Variants in CUEDC1 observed in about 807,000 individuals in gnomAD.
The protein encoded by CUEDC1 is CUE domain-containing protein 1.
A neutral mutation model predicts 43.7 loss-of-function variants in CUEDC1; 30 were observed. That is an observed-to-expected ratio of 0.69 (90% CI 0.51 to 0.93). The LOEUF is 0.93. Ranked by LOEUF, CUEDC1 falls within the 40% of genes least tolerant of loss-of-function variation. The pLI, the probability that CUEDC1 is intolerant of heterozygous loss-of-function variation, is 0.00. For missense variants in CUEDC1, 486 were observed against 549.0 expected, an observed-to-expected ratio of 0.89 and a Z score of 1.15; for synonymous variants, 223 against 223.6, an observed-to-expected ratio of 1.00 and a Z score of 0.02.
At chr17:57,870,477 T>C (rs1197754593) in intron 6 of CUEDC1, among the ~76,000 whole-genome samples, 1 of 152,252 alleles carries the variant, frequency 6.6e-6, no homozygotes, top group Non-Finnish European at 1.5e-5. Context: ...ATGTCATGAA[T>C]GAATGAGTAA....
intron 1 of CUEDC1, among the ~76,000 whole-genome samples, chr17:57,952,799 T>TG (rs2075020208): frequency 6.6e-6 from 1 of 152,144 alleles, no homozygotes; most frequent in Non-Finnish European, 1.5e-5. Context: ...CAGCTCTCTG[T>TG]GGGGGACTTG....
intron 1 of CUEDC1, among the ~76,000 whole-genome samples, chr17:57,943,368 T>A (rs1305949374): frequency 2.0e-5 from 3 of 152,210 alleles, no homozygotes; most frequent in African/African-American, 7.2e-5. Flanking sequence ...GCTCATAGGA[T>A]GATTCATTCT....
chr17:57,883,792 C>T (rs765681539), intron 2 of CUEDC1, among the ~76,000 whole-genome samples: 11 of 152,076 alleles, frequency 7.2e-5, no homozygotes, highest in South Asian at 2.1e-4. Context: ...ATGCCTGGCA[C>T]GGGTCGGGAC....
intron 1 of CUEDC1, among the ~76,000 whole-genome samples, chr17:57,899,363 C>A (rs2074447125): frequency 6.6e-6 from 1 of 152,224 alleles, no homozygotes; most frequent in Non-Finnish European, 1.5e-5. Context: ...CCCAGCTGCC[C>A]AGGTCCCCTC....
At chr17:57,891,614 A>G (rs1317424272) in intron 1 of CUEDC1, among the ~76,000 whole-genome samples, 2 of 152,148 alleles carry the variant, frequency 1.3e-5, no homozygotes, top group Non-Finnish European at 2.9e-5. Context: ...TCGCTGTCAT[A>G]TGTGCACGCA....
chr17:57,894,315 C>G (rs1014367463), intron 1 of CUEDC1, among the ~76,000 whole-genome samples: 2 of 152,214 alleles, frequency 1.3e-5, no homozygotes, highest in African/African-American at 2.4e-5. Flanking sequence ...GCCACCCCCA[C>G]CCCTATCACT....
intron 1 of CUEDC1, among the ~76,000 whole-genome samples, chr17:57,887,655 CTTTTTTTTT>C (rs3085786): frequency 1.6e-4 from 9 of 58,032 alleles, no homozygotes; most frequent in African/African-American, 6.2e-4. Context: ...CCACGCCTGG[CTTTTTTTTT>C]TTTTTTTTTT....
chr17:57,889,352 CT>C (rs2074332148), intron 1 of CUEDC1, among the ~76,000 whole-genome samples: 1 of 152,112 alleles, frequency 6.6e-6, no homozygotes, highest in African/African-American at 2.4e-5. Context: ...TCCCCAGCAC[CT>C]GGATGTCAAT....
At position 57,924,685 on chromosome 17, in the gene CUEDC1, G is replaced by A. The variant is rs190498160; in HGVS notation, c.-316+30540C>T. 2.7e-3 allele frequency among the ~76,000 whole-genome samples: 416 copies of A among 152,154 alleles called. 6 individuals are homozygous for A. The highest frequency in any genetic ancestry group is 0.023 in the Admixed American group (353 of 15,280). On this transcript the variant is annotated intron_variant, in intron 1 of 10. Transcript: ENST00000577830. Reference sequence around the variant, plus strand: ...AAGCTTCCTGAAGCTGTCAAAGGGCGCTCAAATGAGTGTCCCACTTCTATG... The same window carrying A: ...AAGCTTCCTGAAGCTGTCAAAGGGCACTCAAATGAGTGTCCCACTTCTATG...
chr17:57,899,049 G>C (rs181935979), intron 1 of CUEDC1, among the ~76,000 whole-genome samples: 1 of 152,062 alleles, frequency 6.6e-6, no homozygotes, highest in East Asian at 1.9e-4. Context: ...GCTGAGGAAT[G>C]TAGGCCCAGG....
chr17:57,870,758 C>T (rs923408286), intron 6 of CUEDC1, among the ~76,000 whole-genome samples: 2 of 151,908 alleles, frequency 1.3e-5, no homozygotes, highest in African/African-American at 4.8e-5. Flanking sequence ...CTCACTGCAG[C>T]CTCAACCTCC....
chr17:57,888,690 C>A (rs1332603548), intron 1 of CUEDC1, among the ~76,000 whole-genome samples: 1 of 152,266 alleles, frequency 6.6e-6, no homozygotes, highest in Non-Finnish European at 1.5e-5. Context: ...CTCTGGGGAC[C>A]TGCCCTCAAG....
At chr17:57,940,945 G>A (rs1179196494) in intron 1 of CUEDC1, among the ~76,000 whole-genome samples, 1 of 152,228 alleles carries the variant, frequency 6.6e-6, no homozygotes, top group Non-Finnish European at 1.5e-5. Flanking sequence ...GCTGCCAGGA[G>A]GCAAAGACAG....
intron 1 of CUEDC1, among the ~76,000 whole-genome samples, chr17:57,918,528 C>A (rs545423325): frequency 2.6e-5 from 4 of 152,228 alleles, no homozygotes; most frequent in African/African-American, 4.8e-5. Context: ...CCTTATCTAT[C>A]TTACCTACCC....
intron 1 of CUEDC1, among the ~76,000 whole-genome samples, chr17:57,893,783 T>C (rs1390248834): frequency 6.6e-6 from 1 of 152,190 alleles, no homozygotes; most frequent in East Asian, 1.9e-4. Context: ...GGACCACTCA[T>C]CTCTTCTACA....
intron 1 of CUEDC1, among the ~76,000 whole-genome samples, chr17:57,931,457 G>T (rs1459905422): frequency 6.6e-6 from 1 of 152,096 alleles, no homozygotes; most frequent in Non-Finnish European, 1.5e-5. Context: ...CACAGGCTGG[G>T]GCCTTCTCCT....
rs901097312 is a variant in CUEDC1, at chr17:57,887,056, C to T, written c.-315-1177G>A. On this transcript the variant is annotated intron_variant, in intron 1 of 10. Coordinates refer to ENST00000577830, the MANE Select transcript of CUEDC1 (RefSeq NM_001271875.2). Reference sequence around the variant, plus strand: ...CAGGATGGTCTCGATCTCCTGACCTCGTGATCTGCCCGCCTCGGCCTCCCA... The same window carrying T: ...CAGGATGGTCTCGATCTCCTGACCTTGTGATCTGCCCGCCTCGGCCTCCCA... Among the ~76,000 whole-genome samples, 32 of 152,038 alleles carry T rather than the reference C, an allele frequency of 2.1e-4. 1 individual carries two copies. The highest frequency in any genetic ancestry group is 1.2e-4 in the Non-Finnish European group (8 of 68,000).
At position 57,954,737 on chromosome 17, in the gene CUEDC1, G is replaced by C. The variant is rs1325508916; in HGVS notation, c.-316+488C>G. On this transcript the variant is annotated intron_variant, in intron 1 of 10. Transcript: ENST00000577830. This position sits in a 1 kb window ranked among gnomAD's most constrained non-coding sequence, Gnocchi z 4.3. ...CGAAGCTCCCCTCCCCCTGAAAGGC[G>C]CTCGGCTCCCAGCAGGCGCCCCCGC... Among the ~76,000 whole-genome samples, 1 of 152,100 alleles carries C rather than the reference G, an allele frequency of 6.6e-6. No individual in the cohort carries two copies. Among genetic ancestry groups the C allele is most frequent in the Non-Finnish European group, 1.5e-5 (1 of 67,972 alleles).
intron 2 of CUEDC1, among the ~76,000 whole-genome samples, chr17:57,884,192 C>CTTT (rs780667346): frequency 1.9e-3 from 154 of 80,984 alleles, no homozygotes; most frequent in East Asian, 2.9e-3. Flanking sequence ...TTTTTCTTTT[C>CTTT]TTTTTTTTTT....
Sources: gnomAD v4.1 joint callset for allele counts (sites outside exome capture counted in the v4.1 genomes callset) on GRCh38, gnomAD v4.1.1 for gene constraint, Gnocchi (gnomAD v3.1) non-coding constraint, MANE v1.5 for transcripts, NCBI Gene and HGNC (gene_info 2026-07-23, HGNC 2026-07-21) for gene names.